The following INTS7 variants were observed in gnomAD, a reference collection of about 807,000 sequenced individuals.
INTS7 encodes the protein chromosome 1 open reading frame 73.
In INTS7, 46 loss-of-function variants were observed where a neutral mutation model predicts 109.2. The observed-to-expected ratio is 0.42, with a 90% CI of 0.33 to 0.54. The LOEUF (loss-of-function observed/expected upper bound fraction) is 0.54. INTS7 is among the 20% of genes least tolerant of loss of function. INTS7 has a pLI of 0.07. For missense variants in INTS7, 929 were observed against 1,132.4 expected, an observed-to-expected ratio of 0.82 and a Z score of 2.58; for synonymous variants, 412 against 402.9, an observed-to-expected ratio of 1.02 and a Z score of -0.27.
chr1:211,955,084 A>G (rs559504707), intron 16 of INTS7, among the ~76,000 whole-genome samples: 1 of 151,932 alleles, frequency 6.6e-6, no homozygotes, highest in African/African-American at 2.4e-5. Flanking sequence ...AATGGTTTGT[A>G]GTTCTCCTTG....
intron 7 of INTS7, among the ~76,000 whole-genome samples, chr1:212,001,505 AG>A (rs1443466524): frequency 1.4e-4 from 22 of 152,242 alleles, no homozygotes; most frequent in Admixed American, 1.0e-3. Context: ...TATTTACTTA[AG>A]ATTACATTGT....
intron 9 of INTS7, among the ~76,000 whole-genome samples, chr1:211,981,585 G>A (rs1401099719): frequency 6.6e-6 from 1 of 152,118 alleles, no homozygotes; most frequent in Non-Finnish European, 1.5e-5. Flanking sequence ...TTTTACCTAA[G>A]ATATAACAGT....
At chr1:212,034,906 C>T (rs1007500429) in intron 1 of INTS7, among the ~76,000 whole-genome samples, 2 of 152,156 alleles carry the variant, frequency 1.3e-5, no homozygotes, top group African/African-American at 4.8e-5. Flanking sequence ...CCTTGTAACC[C>T]GCAGGTAACA....
At chr1:211,964,015 A>C (rs1471100623) in intron 16 of INTS7, among the ~76,000 whole-genome samples, 2 of 152,182 alleles carry the variant, frequency 1.3e-5, no homozygotes, top group African/African-American at 4.8e-5. Flanking sequence ...AGAGAATGAA[A>C]TAAAGGGCAT....
intron 7 of INTS7, among the ~76,000 whole-genome samples, chr1:211,992,755 G>A (rs1181313592): frequency 6.6e-6 from 1 of 152,082 alleles, no homozygotes; most frequent in Non-Finnish European, 1.5e-5. Context: ...GCTTAACAGA[G>A]CAAATCATGA....
At chr1:211,971,457 G>A (rs968827458) in intron 13 of INTS7, among the ~76,000 whole-genome samples, 5 of 152,146 alleles carry the variant, frequency 3.3e-5, no homozygotes, top group African/African-American at 9.7e-5. Flanking sequence ...CTATATGGCA[G>A]GGAAATTGAC....
At chr1:211,992,318 T>C (rs146195788) in intron 7 of INTS7, among the ~76,000 whole-genome samples, 138 of 152,202 alleles carry the variant, frequency 9.1e-4, no homozygotes, top group Non-Finnish European at 1.6e-3. Flanking sequence ...AGAGATTTTA[T>C]ATAAAATGAT....
Position 212,021,202 on chromosome 1 carries a change from A to T in INTS7, c.105T>A (p.Ser35=). The change falls in exon 2 of 20, where the codon TCT becomes TCA. Residue 35 remains serine (S), a synonymous_variant. Coordinates refer to ENST00000366994, the MANE Select transcript of INTS7 (RefSeq NM_015434.4). ...ALMELDKGLR[S]GKLGEQCEAV... Reference sequence around the variant, plus strand: ...CTTCACACTGTTCACCAAGTTTGCCAGATCTTAGGCCTATGGAAAAAAAAA... The same window carrying T: ...CTTCACACTGTTCACCAAGTTTGCCTGATCTTAGGCCTATGGAAAAAAAAA... The T allele has an allele frequency of 6.2e-7, 1 of 1,608,794 alleles. No homozygotes were observed. The highest frequency in any genetic ancestry group is 8.5e-7 in the Non-Finnish European group (1 of 1,178,208).
chr1:211,957,097 G>GGT (rs1663398678), intron 16 of INTS7, among the ~76,000 whole-genome samples: 1 of 152,074 alleles, frequency 6.6e-6, no homozygotes, highest in Non-Finnish European at 1.5e-5. Flanking sequence ...GGACACTGAA[G>GGT]GTCTTTTTAA....
intron 4 of INTS7, among the ~76,000 whole-genome samples, chr1:212,012,418 G>T (rs1261248461): frequency 1.3e-5 from 2 of 152,136 alleles, no homozygotes; most frequent in African/African-American, 4.8e-5. Flanking sequence ...CTCAAGCCAG[G>T]TCATTATTTC....
intron 16 of INTS7, among the ~76,000 whole-genome samples, chr1:211,961,071 GA>G (rs1293826498): frequency 6.6e-6 from 1 of 151,630 alleles, no homozygotes; most frequent in Non-Finnish European, 1.5e-5. Context: ...AAACCTCCGA[GA>G]AATATGGGAT....
At chr1:212,026,005 C>G (rs1666902109) in intron 1 of INTS7, among the ~76,000 whole-genome samples, 1 of 151,982 alleles carries the variant, frequency 6.6e-6, no homozygotes, top group Non-Finnish European at 1.5e-5. Flanking sequence ...AAAAATTAGC[C>G]CAGCGTGATG....
intron 7 of INTS7, among the ~76,000 whole-genome samples, chr1:211,996,322 T>C (rs1434505833): frequency 6.6e-6 from 1 of 152,060 alleles, no homozygotes; most frequent in African/African-American, 2.4e-5. Context: ...CTCAGGAGGC[T>C]GAGACAGGAG....
chr1:211,972,069 C>T (rs1181074223), intron 13 of INTS7, among the ~76,000 whole-genome samples: 6 of 151,944 alleles, frequency 3.9e-5, no homozygotes, highest in Admixed American at 3.9e-4. Flanking sequence ...AAGAATTTTA[C>T]TTTTTTTCTC....
At chr1:211,991,065 C>T (rs549726625) in intron 7 of INTS7, among the ~76,000 whole-genome samples, 1 of 152,164 alleles carries the variant, frequency 6.6e-6, no homozygotes, top group South Asian at 2.1e-4. Context: ...ATGAGTATGA[C>T]AGACATTTTA....
intron 16 of INTS7, among the ~76,000 whole-genome samples, chr1:211,962,260 TAAAA>T (rs35134976): frequency 1.3e-5 from 1 of 79,326 alleles, no homozygotes; most frequent in Admixed American, 1.4e-4. Flanking sequence ...CAACAAAGAT[TAAAA>T]AAAAAAAAAA....
chr1:211,995,542 A>C (rs557477585), intron 7 of INTS7, among the ~76,000 whole-genome samples: 1 of 152,374 alleles, frequency 6.6e-6, no homozygotes, highest in African/African-American at 2.4e-5. Context: ...TAACAAAATG[A>C]ATGAGGCCAA....
chr1:211,988,035 T>A, intron 7 of INTS7, 32 bp from the exon 8 acceptor site: 79 of 1,046,016 alleles, frequency 7.6e-5, no homozygotes, highest in Middle Eastern at 2.0e-4. Flanking sequence ...AATATAGAAG[T>A]TAAAACATCA....
chr1:212,007,949 T>C (rs1048387304), intron 5 of INTS7, among the ~76,000 whole-genome samples: 3 of 152,186 alleles, frequency 2.0e-5, no homozygotes, highest in Admixed American at 6.5e-5. Context: ...CATACACGAC[T>C]GGATCCATGA....
Sources: allele counts gnomAD v4.1 joint callset (sites outside exome capture counted in the v4.1 genomes callset), GRCh38; gene constraint gnomAD v4.1.1; transcripts MANE v1.5; gene names NCBI Gene and HGNC (gene_info 2026-07-23, HGNC 2026-07-21).